WDR48: variants seen among roughly 807,000 people sequenced by gnomAD.
WDR48 encodes the protein WD repeat domain 48, also known as WD repeat-containing protein 48.
WDR48 carries 22 observed loss-of-function variants against 94.0 expected under a neutral mutation model. The observed-to-expected ratio is 0.23, with a 90% CI of 0.17 to 0.33. The LOEUF (loss-of-function observed/expected upper bound fraction) is 0.33, where lower values mean the gene tolerates loss of function less well. Among genes scored for constraint, WDR48 ranks in the 10% least tolerant of loss-of-function variants. WDR48 has a pLI of 1.00. For synonymous variants in WDR48, 278 were observed against 280.5 expected, an observed-to-expected ratio of 0.99 and a Z score of 0.09; for missense variants, 541 against 813.8, an observed-to-expected ratio of 0.66 and a Z score of 4.08.
At chr3:39,094,167 T>C in intron 18 of WDR48, 101 bp downstream of exon 18, 1 of 1,496,304 alleles carries the variant, frequency 6.7e-7, no homozygotes, top group Non-Finnish European at 8.9e-7. Context: ...AGAGGGGCTC[T>C]AAGGAGCCCT....
chr3:39,084,787 G>C, intron 13 of WDR48, 46 bp downstream of exon 13: 1 of 1,524,104 alleles, frequency 6.6e-7, no homozygotes, highest in East Asian at 2.3e-5. Flanking sequence ...CTAAAGAGAA[G>C]ATGAATATGA....
Position 39,065,799 on chromosome 3 carries a change from T to C in WDR48, c.190-12T>C. The C allele has an allele frequency of 6.3e-7, 1 of 1,581,584 alleles. No individual in the cohort carries two copies. Among genetic ancestry groups the C allele is most frequent in the East Asian group, 2.3e-5 (1 of 44,330 alleles). On this transcript the variant is annotated splice_polypyrimidine_tract_variant and intron_variant, in intron 2 of 18. Coordinates refer to ENST00000302313, the MANE Select transcript of WDR48 (RefSeq NM_020839.4). ...CTCATATAAACTCTTAGGATTTTTC[T>C]TTTAATTTCAGCAAGATCCATATAT... is the stretch of plus-strand genomic sequence containing the variant.
At chr3:39,077,765 A>G (rs1166442060) in intron 9 of WDR48, among the ~76,000 whole-genome samples, 2 of 152,376 alleles carry the variant, frequency 1.3e-5, no homozygotes, top group East Asian at 1.9e-4. Context: ...GTAGGTAACA[A>G]AAGAGAAGGT....
At chr3:39,059,818 C>A (rs1172608845) in intron 1 of WDR48, among the ~76,000 whole-genome samples, 2 of 152,118 alleles carry the variant, frequency 1.3e-5, no homozygotes, top group African/African-American at 4.8e-5. Context: ...ACAAAAATGG[C>A]AGTTATTTTA....
chr3:39,068,884 T>TA (rs759758785), intron 6 of WDR48, 25 bp downstream of exon 6: 75 of 1,510,652 alleles, frequency 5.0e-5, no homozygotes, highest in South Asian at 1.6e-4. Flanking sequence ...ATTTCTTTAT[T>TA]TAAAAAAAAA....
chr3:39,078,288 A>G, intron 10 of WDR48, 49 bp downstream of exon 10: 2 of 1,314,746 alleles, frequency 1.5e-6, no homozygotes, highest in Non-Finnish European at 2.2e-6. Context: ...AGCGATAGTT[A>G]CTTAGAGATT....
intron 10 of WDR48, 111 bp from the exon 11 acceptor site, chr3:39,079,600 G>C: frequency 1.5e-6 from 1 of 672,952 alleles, no homozygotes; most frequent in Non-Finnish European, 2.4e-6. Flanking sequence ...TTCCTTTCTA[G>C]TAGCTAGTAC....
At chr3:39,073,736 G>C (rs2034062680) in intron 7 of WDR48, among the ~76,000 whole-genome samples, 1 of 152,146 alleles carries the variant, frequency 6.6e-6, no homozygotes, top group Non-Finnish European at 1.5e-5. Context: ...TGACTCTCTT[G>C]AGCCATCAGA....
intron 1 of WDR48, 72 bp downstream of exon 1, chr3:39,052,145 C>A: frequency 6.3e-7 from 1 of 1,587,524 alleles, no homozygotes; most frequent in South Asian, 1.1e-5. Flanking sequence ...TAGAAGGTGC[C>A]CGGCGCCACG....
chr3:39,063,197 C>A lies in WDR48; in HGVS notation c.189+7C>A. 6.2e-7 allele frequency: 1 copy of A among 1,613,114 alleles called. No homozygotes were observed. Among genetic ancestry groups the A allele is most frequent in the Non-Finnish European group, 8.5e-7 (1 of 1,179,648 alleles). ...GAGTGTCAATCAGCACAAGGTAATG[C>A]AGGGATTAAAATCTGTACCCAGCAA... On this transcript the variant is annotated splice_region_variant and intron_variant, in intron 2 of 18. Coordinates refer to ENST00000302313, the MANE Select transcript of WDR48 (RefSeq NM_020839.4).
In WDR48 at chr3:39,063,106, T is replaced by C. The variant is rs35965777; in HGVS notation, c.105T>C (p.Ala35=). The C allele has an allele frequency of 7.8e-4, 1,258 of 1,614,138 alleles. 12 individuals carry two copies. The African/African-American group carries it at 0.015, about 19-fold the overall frequency. ...AGTACAACCGAAATGGAGTCAATGC[T>C]CTGCAGCTGGATCCAGCACTAAATA... ...VEKYNRNGVN[A]LQLDPALNRL... is the part of the protein sequence containing the mutation. The change falls in exon 2 of 19, where the codon GCT becomes GCC. Residue 35 remains alanine, a synonymous_variant. Transcript: ENST00000302313.
At chr3:39,058,630 G>T (rs936916300) in intron 1 of WDR48, among the ~76,000 whole-genome samples, 2 of 152,192 alleles carry the variant, frequency 1.3e-5, no homozygotes, top group South Asian at 4.1e-4. Flanking sequence ...AGCTAGCTTG[G>T]TTCCTGGTGG....
chr3:39,083,995 C>T (rs2034672078), intron 11 of WDR48, among the ~76,000 whole-genome samples, 160 bp from the exon 12 acceptor site: 1 of 152,036 alleles, frequency 6.6e-6, no homozygotes, highest in African/African-American at 2.4e-5. Context: ...TTTATAGCAG[C>T]AGATTGTTAT....
intron 18 of WDR48, 151 bp downstream of exon 18, chr3:39,094,217 T>A (rs1575441933): frequency 1.4e-6 from 2 of 1,450,120 alleles, no homozygotes; most frequent in East Asian, 5.0e-5. Context: ...AGCTCCTCTT[T>A]ACTGCTGGGG....
intron 1 of WDR48, among the ~76,000 whole-genome samples, chr3:39,061,327 C>G (rs1261638851): frequency 2.0e-5 from 3 of 151,596 alleles, no homozygotes; most frequent in Non-Finnish European, 2.9e-5. Flanking sequence ...TCAGCTCCCA[C>G]TTACGAGTGA....
At chr3:39,053,579 A>G (rs1464953365) in intron 1 of WDR48, among the ~76,000 whole-genome samples, 1 of 152,210 alleles carries the variant, frequency 6.6e-6, no homozygotes, top group Non-Finnish European at 1.5e-5. Context: ...ACCCGATTGT[A>G]TTATAGACTC....
chr3:39,089,102 T>C lies in WDR48; in HGVS notation c.1581-129T>C. ...GTCATTCTTCCAGGCTGTACTTTTA[T>C]TTCCTCAGCTGTCAAGTGGGGGTTA... On this transcript the variant is annotated intron_variant, in intron 15 of 18. Coordinates refer to ENST00000302313, the MANE Select transcript of WDR48 (RefSeq NM_020839.4). The C allele has an allele frequency of 9.3e-6, 7 of 756,146 alleles. 1 individual carries two copies. The South Asian group carries it at 1.4e-4, about 15-fold the overall frequency. 46.8% of individuals were successfully genotyped at this position (756,146 alleles called of 1,614,324 possible).
intron 1 of WDR48, among the ~76,000 whole-genome samples, chr3:39,060,223 G>A (rs75219610): frequency 0.029 from 4,373 of 151,940 alleles, 209 homozygotes; most frequent in African/African-American, 0.1. Context: ...ATTACTCCCC[G>A]TTTTTCATTT....
At chr3:39,088,267 G>T in intron 15 of WDR48, 34 bp downstream of exon 15, 1 of 1,598,324 alleles carries the variant, frequency 6.3e-7, no homozygotes. Flanking sequence ...TTCTGCCTGA[G>T]AAGGTATCCC....
Sources: gnomAD v4.1 joint callset for allele counts (sites outside exome capture counted in the v4.1 genomes callset) on GRCh38, gnomAD v4.1.1 for gene constraint, MANE v1.5 for transcripts, NCBI Gene and HGNC (gene_info 2026-07-23, HGNC 2026-07-21) for gene names.